Variants in WNT3A observed in about 807,000 individuals in gnomAD.
WNT3A encodes Wnt family member 3A.
WNT3A carries 17 observed loss-of-function variants against 37.0 expected under a neutral mutation model. The ratio of observed to expected loss-of-function variants is 0.46; its 90% CI spans 0.31 to 0.69. WNT3A has a LOEUF of 0.69. WNT3A is among the 30% of genes least tolerant of loss of function. The pLI, the probability that WNT3A is intolerant of heterozygous loss-of-function variation, is 0.05. For synonymous variants in WNT3A, 187 were observed against 211.0 expected (o/e 0.89, Z 0.99); for missense variants, 411 against 510.2 (o/e 0.81, Z 1.87).
Position 228,059,592 on chromosome 1 carries a change from G to T in WNT3A, c.*127G>T. The T allele has an allele frequency of 5.0e-6, 7 of 1,389,350 alleles. No homozygotes were observed. Among genetic ancestry groups the T allele is most frequent in the Non-Finnish European group, 4.6e-6 (5 of 1,079,562 alleles). 86.1% of individuals were successfully genotyped at this position (1,389,350 alleles called of 1,614,324 possible). On this transcript the variant is annotated 3_prime_UTR_variant, in exon 4 of 4. Coordinates refer to ENST00000284523, the MANE Select transcript of WNT3A (RefSeq NM_033131.4). ...CTGGGGGCGGGACTCCTCCCTGGGG[G>T]TGGGGCTCCTACCTGGGGGCAGAAC... is the stretch of plus-strand genomic sequence containing the variant.
At position 228,042,597 on chromosome 1, in the gene WNT3A, T is replaced by C. The variant is rs1283482617; in HGVS notation, c.314-8059T>C. Among the ~76,000 whole-genome samples, 2 of 151,616 alleles carry C rather than the reference T, an allele frequency of 1.3e-5. No individual in the cohort carries two copies. Among genetic ancestry groups the C allele is most frequent in the African/African-American group, 4.9e-5 (2 of 41,210 alleles). ...GAATGGTGGATGGGTGATGAATTGA[T>C]GATGGATGCATGATGAATGGATAAT... On this transcript the variant is annotated intron_variant, in intron 2 of 3. Transcript: ENST00000284523. The surrounding 1 kb of genome is among the most constrained non-coding windows in gnomAD (Gnocchi z 5.2).
intron 3 of WNT3A, among the ~76,000 whole-genome samples, chr1:228,055,341 T>A (rs1018206864): frequency 2.0e-5 from 3 of 148,426 alleles, no homozygotes. Flanking sequence ...TGGAACCCAC[T>A]AAAATAACAA....
chr1:228,046,696 C>T (rs2031419664), intron 2 of WNT3A, among the ~76,000 whole-genome samples: 1 of 147,210 alleles, frequency 6.8e-6, no homozygotes, highest in African/African-American at 2.5e-5. Flanking sequence ...CATGTGTATG[C>T]TGTGCTTGCA....
chr1:228,007,037 G>A lies in WNT3A; in HGVS notation c.-92G>A, dbSNP rs1308622697. The A allele has an allele frequency of 4.3e-6, 4 of 938,434 alleles. No individual in the cohort carries two copies. The African/African-American group carries it at 5.4e-5, about 13-fold the overall frequency. The allele number at this position is 938,434 out of a possible 1,614,324, so 58.1% of individuals were successfully genotyped here. On this transcript the variant is annotated 5_prime_UTR_variant, in exon 1 of 4. Coordinates refer to ENST00000284523, the MANE Select transcript of WNT3A (RefSeq NM_033131.4). The surrounding 1 kb of genome is among the most constrained non-coding windows in gnomAD (Gnocchi z 6.0). ...ACCCGCGGCCGCAGGAGGGCCCAGC[G>A]ACGCCGCCGCGCCAGCTCCCAGGGC...
At chr1:228,040,957 T>C (rs2031268014) in intron 2 of WNT3A, among the ~76,000 whole-genome samples, 2 of 142,996 alleles carry the variant, frequency 1.4e-5, no homozygotes. Context: ...TCTGAAGTTA[T>C]GATGGTAGAT....
chr1:228,040,406 C>T lies in WNT3A; in HGVS notation c.314-10250C>T, dbSNP rs187124974. On this transcript the variant is annotated intron_variant, in intron 2 of 3. Coordinates refer to ENST00000284523, the MANE Select transcript of WNT3A (RefSeq NM_033131.4). ...CTTCTGAGCAAACACCTGTCCCTGC[C>T]GAAATGCTTCTTGGGTCACCTCCCC... Among the ~76,000 whole-genome samples, 19 of 152,274 alleles carry T rather than the reference C, an allele frequency of 1.2e-4. No homozygotes were observed. In the South Asian group the frequency reaches 1.9e-3, roughly 15 times the overall value.
chr1:228,025,076 T>C lies in WNT3A; in HGVS notation c.313+2168T>C, dbSNP rs139027262. Among the ~76,000 whole-genome samples the C allele has an allele frequency of 5.9e-3, 905 of 152,282 alleles. 12 individuals carry two copies. The highest frequency in any genetic ancestry group is 0.021 in the African/African-American group (874 of 41,556). ...ATGTTTTGAAACTGGGAAGAGTAAG[T>C]TTTCCAGCTTTGTTCTTTCTTTTCC... On this transcript the variant is annotated intron_variant, in intron 2 of 3. Coordinates refer to ENST00000284523, the MANE Select transcript of WNT3A (RefSeq NM_033131.4).
rs563774761 is a variant in WNT3A at position 228,037,179 on chromosome 1, C to T, written c.314-13477C>T. Among the ~76,000 whole-genome samples, 2 of 152,204 alleles carry T rather than the reference C, an allele frequency of 1.3e-5. No homozygotes were observed. Among genetic ancestry groups the T allele is most frequent in the East Asian group, 3.9e-4 (2 of 5,166 alleles). On this transcript the variant is annotated intron_variant, in intron 2 of 3. Coordinates refer to ENST00000284523, the MANE Select transcript of WNT3A (RefSeq NM_033131.4). The surrounding 1 kb of genome is among the most constrained non-coding windows in gnomAD (Gnocchi z 4.1). The stretch of plus-strand genomic sequence containing the variant: ...TTCTTCGTACCCAGTGTGGGTGGGG[C>T]CTGCAGCAGTGGCCCTCCCACTCAG...
chr1:228,059,626 G>A lies in WNT3A; in HGVS notation c.*161G>A. 7.2e-7 allele frequency: 1 copy of A among 1,382,226 alleles called. No homozygotes were observed. The allele number at this position is 1,382,226 out of a possible 1,614,324, so 85.6% of individuals were successfully genotyped here. On this transcript the variant is annotated 3_prime_UTR_variant, in exon 4 of 4. Coordinates refer to ENST00000284523, the MANE Select transcript of WNT3A (RefSeq NM_033131.4). Reference sequence around the variant, plus strand: ...CTACCTGGGGGCAGAACTCCTACCTGAAGGCAGGGCTCCTCCCTGGAGCTA... The same window carrying A: ...CTACCTGGGGGCAGAACTCCTACCTAAAGGCAGGGCTCCTCCCTGGAGCTA...
intron 3 of WNT3A, among the ~76,000 whole-genome samples, chr1:228,056,222 G>A (rs566068893): frequency 1.3e-5 from 2 of 152,318 alleles, no homozygotes; most frequent in South Asian, 4.1e-4. Flanking sequence ...TTAAATACGA[G>A]CAGACAGCCA....
rs531185637 is a variant in WNT3A, at chr1:228,030,982, C to T, written c.313+8074C>T. 3.7e-4 allele frequency among the ~76,000 whole-genome samples: 57 copies of T among 152,346 alleles called. No homozygotes were observed. In the South Asian group the frequency reaches 9.7e-3, roughly 26 times the overall value. ...TGGGGGGCCTGGCATGTGCACTGAC[C>T]AGGAGAGCTCCTGAGTGTGCAGCTG... is the stretch of plus-strand genomic sequence containing the variant. On this transcript the variant is annotated intron_variant, in intron 2 of 3. Transcript: ENST00000284523.
At chr1:228,040,786 T>C (rs2102774057) in intron 2 of WNT3A, among the ~76,000 whole-genome samples, 1 of 150,432 alleles carries the variant, frequency 6.6e-6, no homozygotes, top group East Asian at 2.0e-4. Context: ...CTCGGGAGGC[T>C]GAGGCAGGAG....
intron 3 of WNT3A, among the ~76,000 whole-genome samples, chr1:228,053,719 T>C (rs560128952): frequency 2.0e-5 from 3 of 152,282 alleles, no homozygotes; most frequent in African/African-American, 7.2e-5. Flanking sequence ...CCACTACCTA[T>C]ACAAAAGGTG....
chr1:228,055,175 AAAAAATATATATAT>A (rs1260628751), intron 3 of WNT3A, among the ~76,000 whole-genome samples: 3 of 59,208 alleles, frequency 5.1e-5, no homozygotes, highest in African/African-American at 7.9e-5. Flanking sequence ...AAAAAAAAAA[AAAAAATATATATAT>A]ATATATATAT....
rs1016806734 is a variant in WNT3A at position 228,031,831 on chromosome 1, G to A, written c.313+8923G>A. On this transcript the variant is annotated intron_variant, in intron 2 of 3. Transcript: ENST00000284523. The surrounding 1 kb of genome is among the most constrained non-coding windows in gnomAD (Gnocchi z 4.8). ...CATGGGCAACATATACACTGCAAAA[G>A]GCCAAGAGCACCAGACTGGGCCCTG... Among the ~76,000 whole-genome samples the A allele has an allele frequency of 6.6e-6, 1 of 152,162 alleles. No individual in the cohort carries two copies. The highest frequency in any genetic ancestry group is 1.5e-5 in the Non-Finnish European group (1 of 68,042).
At chr1:228,014,102 C>T (rs183172828) in intron 1 of WNT3A, among the ~76,000 whole-genome samples, 121 of 152,272 alleles carry the variant, frequency 7.9e-4, no homozygotes, top group African/African-American at 2.7e-3. Context: ...GGCAGGTCCG[C>T]GAGTGGGGTG....
At chr1:228,052,850 T>TCCGTTTTGGGACGGAG (rs2031587310) in intron 3 of WNT3A, among the ~76,000 whole-genome samples, 1 of 152,338 alleles carries the variant, frequency 6.6e-6, no homozygotes, top group South Asian at 2.1e-4. Context: ...AGAAATGGGC[T>TCCGTTTTGGGACGGAG]TTTCAATAAA....
At chr1:228,048,575 G>GT (rs985392521) in intron 2 of WNT3A, among the ~76,000 whole-genome samples, 17 of 152,088 alleles carry the variant, frequency 1.1e-4, no homozygotes, top group Admixed American at 6.5e-4. Flanking sequence ...TTTTTATTTT[G>GT]TTTTTTTGAG....
chr1:228,015,077 T>G (rs998219421), intron 1 of WNT3A, among the ~76,000 whole-genome samples: 2 of 152,398 alleles, frequency 1.3e-5, no homozygotes, highest in Middle Eastern at 3.4e-3. Flanking sequence ...AAGACAAGTC[T>G]GTGATCTTAT....
Sources: gnomAD v4.1 joint callset for allele counts (sites outside exome capture counted in the v4.1 genomes callset) on GRCh38, gnomAD v4.1.1 for gene constraint, Gnocchi (gnomAD v3.1) non-coding constraint, MANE v1.5 for transcripts, NCBI Gene and HGNC (gene_info 2026-07-23, HGNC 2026-07-21) for gene names.